The following FSTL5 variants were observed in gnomAD, a reference collection of about 807,000 sequenced individuals.
The protein encoded by FSTL5 is follistatin like 5, also known as follistatin-related protein 5.
A neutral mutation model predicts 89.1 loss-of-function variants in FSTL5; 62 were observed. The observed-to-expected ratio is 0.70, with a 90% CI of 0.57 to 0.86. The LOEUF is 0.86. Among genes scored for constraint, FSTL5 ranks in the 40% least tolerant of loss-of-function variants. The pLI is 0.00. For synonymous variants in FSTL5, 383 were observed against 346.2 expected (o/e 1.11, Z -1.18); for missense variants, 1,057 against 1,001.6 (o/e 1.06, Z -0.75).
chr4:162,090,657 C>T (rs1730512746), intron 2 of FSTL5, among the ~76,000 whole-genome samples: 1 of 151,916 alleles, frequency 6.6e-6, no homozygotes, highest in Non-Finnish European at 1.5e-5. Context: ...CCCATCTCTG[C>T]TAAAAATACA....
intron 6 of FSTL5, among the ~76,000 whole-genome samples, chr4:161,689,078 A>G (rs1242262133): frequency 6.6e-6 from 1 of 152,200 alleles, no homozygotes; most frequent in Non-Finnish European, 1.5e-5. Context: ...TATTCTGCTC[A>G]TACAACATCC....
intron 13 of FSTL5, among the ~76,000 whole-genome samples, chr4:161,470,750 A>G (rs1054309873): frequency 1.3e-5 from 2 of 152,002 alleles, no homozygotes; most frequent in African/African-American, 4.8e-5. Flanking sequence ...CCATTTATAT[A>G]TCTCCTTTAA....
intron 4 of FSTL5, among the ~76,000 whole-genome samples, chr4:161,865,796 A>T (rs201570213): frequency 6.7e-6 from 1 of 149,474 alleles, no homozygotes; most frequent in African/African-American, 2.4e-5. Context: ...GCAATAAAAA[A>T]ACTTTAATTT....
intron 3 of FSTL5, among the ~76,000 whole-genome samples, chr4:161,945,358 C>T (rs897394469): frequency 7.2e-5 from 11 of 152,102 alleles, no homozygotes; most frequent in South Asian, 2.1e-4. Context: ...CAGGGATTGA[C>T]GGCACATAAG....
chr4:161,460,928 A>G (rs956521939), intron 13 of FSTL5, among the ~76,000 whole-genome samples: 2 of 151,284 alleles, frequency 1.3e-5, no homozygotes, highest in East Asian at 3.9e-4. Flanking sequence ...GAGGCTTAAG[A>G]GTGGTCACAT....
In FSTL5 at chr4:161,951,026, T is replaced by C. The variant is rs182087159; in HGVS notation, c.161-30374A>G. 7.2e-4 allele frequency among the ~76,000 whole-genome samples: 109 copies of C among 152,144 alleles called. 1 individual carries two copies. The East Asian group carries it at 0.018, about 25-fold the overall frequency. On this transcript the variant is annotated intron_variant, in intron 3 of 15. Coordinates refer to ENST00000306100, the MANE Select transcript of FSTL5 (RefSeq NM_020116.5). The stretch of plus-strand genomic sequence containing the variant: ...GTGGAAGGGACCCAGTGGGAGGTAA[T>C]TGAATCACGGCGCCAGTGTTTTCCG...
intron 8 of FSTL5, among the ~76,000 whole-genome samples, chr4:161,564,599 C>T (rs1394822613): frequency 6.6e-6 from 1 of 151,350 alleles, no homozygotes; most frequent in South Asian, 2.1e-4. Context: ...AATGTATCAC[C>T]TGTAAATATT....
intron 6 of FSTL5, among the ~76,000 whole-genome samples, chr4:161,694,592 T>C (rs995097197): frequency 6.6e-6 from 1 of 152,114 alleles, no homozygotes; most frequent in African/African-American, 2.4e-5. Flanking sequence ...TAGTTAAGAA[T>C]GTTAAAGTCT....
chr4:161,745,452 A>C (rs1157608302), intron 6 of FSTL5, among the ~76,000 whole-genome samples: 1 of 152,074 alleles, frequency 6.6e-6, no homozygotes, highest in Non-Finnish European at 1.5e-5. Context: ...AAATTTGTTT[A>C]ATATGGAGTG....
At chr4:161,897,961 A>G (rs1245650563) in intron 4 of FSTL5, among the ~76,000 whole-genome samples, 1 of 151,780 alleles carries the variant, frequency 6.6e-6, no homozygotes, top group African/African-American at 2.4e-5. Flanking sequence ...AAAATGTCAT[A>G]TAATTGGAAT....
chr4:162,025,210 A>C (rs932449131), intron 3 of FSTL5, among the ~76,000 whole-genome samples: 3 of 152,142 alleles, frequency 2.0e-5, no homozygotes, highest in African/African-American at 7.2e-5. Context: ...AGTTTGGAAA[A>C]TATGTGAATT....
At chr4:161,613,324 G>A (rs1734717041) in intron 7 of FSTL5, among the ~76,000 whole-genome samples, 1 of 151,904 alleles carries the variant, frequency 6.6e-6, no homozygotes, top group African/African-American at 2.4e-5. Context: ...GATGGCGCAC[G>A]CCGGTAGTCA....
intron 4 of FSTL5, among the ~76,000 whole-genome samples, chr4:161,889,917 G>A (rs959722629): frequency 9.2e-5 from 14 of 152,102 alleles, no homozygotes; most frequent in African/African-American, 3.4e-4. Context: ...TACAAAAGTT[G>A]AGTTATTTCC....
At chr4:161,715,230 T>C (rs1001728975) in intron 6 of FSTL5, among the ~76,000 whole-genome samples, 2 of 152,116 alleles carry the variant, frequency 1.3e-5, no homozygotes, top group African/African-American at 4.8e-5. Context: ...GAAACCAAAG[T>C]GCAGAAAGCA....
At chr4:162,020,861 G>C (rs374356726) in intron 3 of FSTL5, among the ~76,000 whole-genome samples, 1 of 152,096 alleles carries the variant, frequency 6.6e-6, no homozygotes, top group South Asian at 2.1e-4. Flanking sequence ...CATGTACCTT[G>C]TGCTGATTGA....
intron 4 of FSTL5, among the ~76,000 whole-genome samples, chr4:161,847,278 A>G (rs1731400094): frequency 6.6e-6 from 1 of 152,244 alleles, no homozygotes; most frequent in Non-Finnish European, 1.5e-5. Flanking sequence ...GGTTATTCTT[A>G]TAATTACACT....
At chr4:161,436,316 T>C (rs1732560227) in intron 15 of FSTL5, among the ~76,000 whole-genome samples, 1 of 152,212 alleles carries the variant, frequency 6.6e-6, no homozygotes, top group African/African-American at 2.4e-5. Flanking sequence ...TTACATACTT[T>C]CCTAGTTTCT....
intron 7 of FSTL5, among the ~76,000 whole-genome samples, chr4:161,617,212 A>C (rs1268544641): frequency 6.6e-6 from 1 of 152,022 alleles, no homozygotes; most frequent in East Asian, 1.9e-4. Flanking sequence ...TAAATTCTGG[A>C]GCTTAAAAGT....
At chr4:161,676,292 G>A (rs1216141782) in intron 6 of FSTL5, among the ~76,000 whole-genome samples, 2 of 151,964 alleles carry the variant, frequency 1.3e-5, no homozygotes, top group Non-Finnish European at 1.5e-5. Context: ...AGAAAATGTG[G>A]CACATATACA....
Sources: gnomAD v4.1 joint callset for allele counts (sites outside exome capture counted in the v4.1 genomes callset) on GRCh38, gnomAD v4.1.1 for gene constraint, MANE v1.5 for transcripts, NCBI Gene and HGNC (gene_info 2026-07-23, HGNC 2026-07-21) for gene names.